SAMD5: variants seen among roughly 807,000 people sequenced by gnomAD.
SAMD5 encodes the protein sterile alpha motif domain-containing protein 5.
Under a neutral mutation model 11.3 loss-of-function variants are expected in SAMD5, and 13 were observed. The ratio of observed to expected loss-of-function variants is 1.15; its 90% CI spans 0.75 to 1.83. SAMD5 has a LOEUF of 1.83. Among genes scored for constraint, SAMD5 ranks in the 40% most tolerant of loss-of-function variants. The pLI is 0.00. For synonymous variants in SAMD5, 129 were observed against 111.3 expected, an observed-to-expected ratio of 1.16 and a Z score of -1.00; for missense variants, 255 against 239.1, an observed-to-expected ratio of 1.07 and a Z score of -0.44.
At chr6:147,949,582 T>A in the SAMD5 span, among the ~76,000 whole-genome samples, 2 of 152,222 alleles carry the variant, frequency 1.3e-5, no homozygotes, top group Middle Eastern at 3.2e-3. Context: ...ACTGCCACTC[T>A]AAAATCAGAT....
chr6:147,744,527 A>G, the SAMD5 span, among the ~76,000 whole-genome samples: 1 of 152,190 alleles, frequency 6.6e-6, no homozygotes, highest in Admixed American at 6.5e-5. Flanking sequence ...GTATCGGTGA[A>G]AACAAATGAC....
At chr6:147,672,467 G>A (rs1790808171) in intron 1 of SAMD5, among the ~76,000 whole-genome samples, 3 of 152,042 alleles carry the variant, frequency 2.0e-5, no homozygotes, top group Non-Finnish European at 4.4e-5. Context: ...CACTTACAAT[G>A]TGTTAGATAT....
At chr6:147,939,080 G>T in the SAMD5 span, among the ~76,000 whole-genome samples, 1 of 152,130 alleles carries the variant, frequency 6.6e-6, no homozygotes, top group African/African-American at 2.4e-5. Flanking sequence ...ATCACTCACA[G>T]ATCTCAGGTA....
the SAMD5 span, among the ~76,000 whole-genome samples, chr6:147,916,178 G>A: frequency 6.6e-6 from 1 of 152,080 alleles, no homozygotes; most frequent in East Asian, 1.9e-4. Context: ...TTGGTTCCAA[G>A]TCTTTGCTAT....
intron 1 of SAMD5, among the ~76,000 whole-genome samples, chr6:147,530,082 A>G (rs1788404233): frequency 6.6e-6 from 1 of 152,104 alleles, no homozygotes; most frequent in Non-Finnish European, 1.5e-5. Flanking sequence ...TATGGGGACG[A>G]TTTTTTCCCC....
the SAMD5 span, among the ~76,000 whole-genome samples, chr6:147,866,100 A>G: frequency 1.4e-5 from 2 of 142,542 alleles, no homozygotes; most frequent in African/African-American, 5.2e-5. Flanking sequence ...ATTGTATCTT[A>G]GTGAGCTGAA....
chr6:147,717,819 C>G (rs1791489803), intron 1 of SAMD5, among the ~76,000 whole-genome samples: 1 of 151,986 alleles, frequency 6.6e-6, no homozygotes, highest in Non-Finnish European at 1.5e-5. Context: ...CCACTGCACT[C>G]CAGCCTGGGT....
At chr6:147,549,509 C>T (rs745415433) in intron 1 of SAMD5, among the ~76,000 whole-genome samples, 4 of 152,090 alleles carry the variant, frequency 2.6e-5, no homozygotes, top group East Asian at 1.9e-4. Flanking sequence ...TTTTTTCATG[C>T]ACAGCTCTGA....
the SAMD5 span, among the ~76,000 whole-genome samples, chr6:147,797,852 G>T: frequency 4.6e-5 from 7 of 150,842 alleles, no homozygotes; most frequent in Admixed American, 4.6e-4. Context: ...TAGTTTATTT[G>T]CGTAGAGGTT....
At chr6:147,550,529 T>G (rs1788753391) in intron 1 of SAMD5, among the ~76,000 whole-genome samples, 1 of 152,086 alleles carries the variant, frequency 6.6e-6, no homozygotes, top group African/African-American at 2.4e-5. Context: ...ATGACTAGAT[T>G]AAAAAAATGT....
the SAMD5 span, among the ~76,000 whole-genome samples, chr6:147,879,901 CTGA>C: frequency 6.6e-6 from 1 of 152,160 alleles, no homozygotes; most frequent in Admixed American, 6.5e-5. Flanking sequence ...CAACACGGAC[CTGA>C]TGAGAAGGAA....
At chr6:147,745,258 C>T in the SAMD5 span, among the ~76,000 whole-genome samples, 12,340 of 151,974 alleles carry the variant, frequency 0.081, 602 homozygotes, top group Non-Finnish European at 0.1. Context: ...AAAATTGAAG[C>T]TGGGAGATGG....
the SAMD5 span, among the ~76,000 whole-genome samples, chr6:147,848,718 A>G: frequency 2.6e-5 from 4 of 152,328 alleles, no homozygotes; most frequent in African/African-American, 7.2e-5. Context: ...AAGTAGCTGT[A>G]GACATAAATT....
At chr6:147,923,765 T>C in the SAMD5 span, among the ~76,000 whole-genome samples, 10 of 152,180 alleles carry the variant, frequency 6.6e-5, no homozygotes, top group African/African-American at 2.4e-4. Context: ...TCTCTAGGTT[T>C]ACACTGTATA....
At chr6:147,946,306 C>T in the SAMD5 span, among the ~76,000 whole-genome samples, 5 of 152,166 alleles carry the variant, frequency 3.3e-5, no homozygotes, top group South Asian at 2.1e-4. Context: ...CTGTGAGCTA[C>T]TTAGGGACAT....
intron 1 of SAMD5, among the ~76,000 whole-genome samples, chr6:147,668,310 T>A (rs1188596006): frequency 1.3e-5 from 2 of 152,226 alleles, no homozygotes; most frequent in Non-Finnish European, 2.9e-5. Flanking sequence ...TCAAAATTAC[T>A]TTGGAGATCT....
Position 147,508,901 on chromosome 6 carries a change from G to A in SAMD5, c.-28G>A, listed in dbSNP as rs1215876878. 1.9e-6 allele frequency: 3 copies of A among 1,584,052 alleles called. No individual in the cohort carries two copies. The highest frequency in any genetic ancestry group is 2.6e-6 in the Non-Finnish European group (3 of 1,166,496). Reference sequence around the variant, plus strand: ...CGTGCCATTTGGGCGCTGGGAAGGTGCTCGGCGGCGGGGTTCCCGGTCCCA... The same window carrying A: ...CGTGCCATTTGGGCGCTGGGAAGGTACTCGGCGGCGGGGTTCCCGGTCCCA... On this transcript the variant is annotated 5_prime_UTR_variant, in exon 1 of 2. Transcript: ENST00000367474.
the SAMD5 span, among the ~76,000 whole-genome samples, chr6:147,763,395 CT>C: frequency 6.6e-6 from 1 of 151,960 alleles, no homozygotes; most frequent in Admixed American, 6.5e-5. Context: ...AACTCCTGAC[CT>C]CGTGATCTGC....
the SAMD5 span, among the ~76,000 whole-genome samples, chr6:147,778,639 A>C: frequency 6.6e-6 from 1 of 152,142 alleles, no homozygotes. Flanking sequence ...CAGAGCTTTG[A>C]TTGGGTCTTG....
Sources: gnomAD v4.1 joint callset for allele counts (sites outside exome capture counted in the v4.1 genomes callset) on GRCh38, gnomAD v4.1.1 for gene constraint, MANE v1.5 for transcripts, NCBI Gene and HGNC (gene_info 2026-07-23, HGNC 2026-07-21) for gene names.